The following TLL2 variants were observed in gnomAD, a reference collection of about 807,000 sequenced individuals.
The protein encoded by TLL2 is tolloid like 2.
A neutral mutation model predicts 123.0 loss-of-function variants in TLL2; 106 were observed. That is an observed-to-expected ratio of 0.86 (90% CI 0.74 to 1.01). The LOEUF (loss-of-function observed/expected upper bound fraction) is 1.01, where lower values mean the gene tolerates loss of function less well. TLL2 is among the 50% of genes least tolerant of loss of function. TLL2 has a pLI of 0.00. For missense variants in TLL2, 1,332 were observed against 1,336.7 expected, an observed-to-expected ratio of 1.00 and a Z score of 0.06; for synonymous variants, 494 against 516.8, an observed-to-expected ratio of 0.96 and a Z score of 0.60.
intron 19 of TLL2, 55 bp from the exon 20 acceptor site, chr10:96,370,370 C>G (rs904211813): frequency 1.3e-6 from 2 of 1,495,766 alleles, no homozygotes; most frequent in Non-Finnish European, 1.8e-6. Context: ...TCGTGCCTCC[C>G]GCCTGCGTCT....
chr10:96,432,055 C>G (rs1254000271), intron 4 of TLL2, among the ~76,000 whole-genome samples: 2 of 151,946 alleles, frequency 1.3e-5, no homozygotes, highest in African/African-American at 2.4e-5. Flanking sequence ...CAGTGGGGTA[C>G]TTGAGGGAGG....
chr10:96,394,618 C>T (rs1846319936), intron 13 of TLL2, among the ~76,000 whole-genome samples: 1 of 152,130 alleles, frequency 6.6e-6, no homozygotes, highest in Non-Finnish European at 1.5e-5. Context: ...ACTGATGTTC[C>T]AGGAGCTGAA....
At chr10:96,438,739 T>C (rs561259367) in intron 3 of TLL2, among the ~76,000 whole-genome samples, 2 of 152,246 alleles carry the variant, frequency 1.3e-5, no homozygotes, top group Non-Finnish European at 2.9e-5. Flanking sequence ...TTCTTGGTCT[T>C]GGGAAAAGGT....
intron 9 of TLL2, among the ~76,000 whole-genome samples, chr10:96,409,724 T>TCA (rs756488382): frequency 3.3e-5 from 5 of 152,160 alleles, no homozygotes; most frequent in Non-Finnish European, 7.4e-5. Context: ...AAGGGATGTG[T>TCA]CCACCCAGAG....
intron 4 of TLL2, among the ~76,000 whole-genome samples, chr10:96,431,019 C>A (rs1193399181): frequency 2.0e-5 from 3 of 152,068 alleles, no homozygotes; most frequent in East Asian, 1.9e-4. Flanking sequence ...AAAATAGCAA[C>A]CCTACTAATT....
chr10:96,371,819 G>A (rs1437403643), intron 19 of TLL2, among the ~76,000 whole-genome samples: 1 of 152,190 alleles, frequency 6.6e-6, no homozygotes, highest in African/African-American at 2.4e-5. Context: ...GGAGGGAGGC[G>A]AGAGAAGCCA....
At chr10:96,402,230 T>G (rs1367316834) in intron 10 of TLL2, among the ~76,000 whole-genome samples, 1 of 152,260 alleles carries the variant, frequency 6.6e-6, no homozygotes, top group East Asian at 1.9e-4. Flanking sequence ...AATTTGAAGC[T>G]GCCCACCACC....
chr10:96,387,705 C>T (rs951466277), intron 13 of TLL2, among the ~76,000 whole-genome samples: 17 of 151,950 alleles, frequency 1.1e-4, no homozygotes, highest in African/African-American at 3.9e-4. Flanking sequence ...TTAGCAGGGG[C>T]GTTGGATGGG....
intron 3 of TLL2, among the ~76,000 whole-genome samples, chr10:96,435,093 A>T (rs1217841586): frequency 1.4e-5 from 2 of 144,476 alleles, no homozygotes; most frequent in Admixed American, 7.2e-5. Context: ...GTACAGTGGC[A>T]CGATCTCGGC....
At chr10:96,372,420 T>C (rs1450896522) in intron 19 of TLL2, among the ~76,000 whole-genome samples, 3 of 152,120 alleles carry the variant, frequency 2.0e-5, no homozygotes, top group South Asian at 2.1e-4. Flanking sequence ...AAGGACACAA[T>C]TGTACATCAG....
chr10:96,496,546 G>C (rs7081742), intron 1 of TLL2, among the ~76,000 whole-genome samples: 120,668 of 152,122 alleles, frequency 0.79, 48,107 homozygotes, highest in Middle Eastern at 0.84. Context: ...AGCCAAGGGG[G>C]TCTGGCTGGT....
intron 3 of TLL2, among the ~76,000 whole-genome samples, chr10:96,434,065 G>A (rs1177387316): frequency 1.3e-5 from 2 of 152,088 alleles, no homozygotes; most frequent in Non-Finnish European, 2.9e-5. Context: ...GTAAGCCACC[G>A]TGCCTGGCCA....
intron 5 of TLL2, among the ~76,000 whole-genome samples, chr10:96,426,780 G>A (rs866666236): frequency 5.3e-5 from 8 of 152,196 alleles, no homozygotes; most frequent in African/African-American, 1.9e-4. Context: ...AAACTAACAA[G>A]TGGTTTATCT....
chr10:96,435,560 G>A (rs1052135999), intron 3 of TLL2, among the ~76,000 whole-genome samples: 2 of 152,184 alleles, frequency 1.3e-5, no homozygotes, highest in Middle Eastern at 3.4e-3. Flanking sequence ...AGATTTATAC[G>A]TATGTTTTAT....
intron 13 of TLL2, among the ~76,000 whole-genome samples, chr10:96,391,962 G>T (rs1156247949): frequency 6.6e-6 from 1 of 152,092 alleles, no homozygotes; most frequent in Non-Finnish European, 1.5e-5. Flanking sequence ...GGGTAACCTG[G>T]GCCCCGTCGC....
chr10:96,432,412 G>A (rs1564906203), intron 4 of TLL2, among the ~76,000 whole-genome samples: 1 of 152,118 alleles, frequency 6.6e-6, no homozygotes. Flanking sequence ...GTAGGTGGTG[G>A]CAGGGGACCT....
chr10:96,379,161 C>T, intron 16 of TLL2, 69 bp from the exon 17 acceptor site: 1 of 1,573,300 alleles, frequency 6.4e-7, no homozygotes, highest in South Asian at 1.1e-5. Context: ...GCTCAGAATC[C>T]CACTTAAAAG....
intron 1 of TLL2, among the ~76,000 whole-genome samples, chr10:96,505,752 TG>T (rs1847572214): frequency 6.6e-6 from 1 of 152,194 alleles, no homozygotes; most frequent in Non-Finnish European, 1.5e-5. Context: ...TCCACACACT[TG>T]TTGGGGCATA....
intron 10 of TLL2, among the ~76,000 whole-genome samples, chr10:96,401,625 G>A (rs1013462855): frequency 3.1e-4 from 46 of 149,602 alleles, no homozygotes; most frequent in African/African-American, 9.8e-4. Context: ...ACCAACAAAT[G>A]GCAAAAGTCC....
Sources: gnomAD v4.1 joint callset for allele counts (sites outside exome capture counted in the v4.1 genomes callset) on GRCh38, gnomAD v4.1.1 for gene constraint, MANE v1.5 for transcripts, NCBI Gene and HGNC (gene_info 2026-07-23, HGNC 2026-07-21) for gene names.